The following LOXL2 variants were observed in gnomAD, a reference collection of about 807,000 sequenced individuals.
LOXL2 encodes the protein lysyl oxidase homolog 2.
In LOXL2, 70 loss-of-function variants were observed where a neutral mutation model predicts 93.0. The ratio of observed to expected loss-of-function variants is 0.75; its 90% CI spans 0.62 to 0.92. LOXL2 has a LOEUF of 0.92. Ranked by LOEUF, LOXL2 falls within the 40% of genes least tolerant of loss-of-function variation. The pLI is 0.00. For missense variants in LOXL2, 973 were observed against 1,054.9 expected (o/e 0.92, Z 1.08); for synonymous variants, 438 against 413.2 (o/e 1.06, Z -0.73).
At chr8:23,392,060 GC>G (rs1163724018) in intron 1 of LOXL2, among the ~76,000 whole-genome samples, 14 of 152,196 alleles carry the variant, frequency 9.2e-5, no homozygotes, top group African/African-American at 3.4e-4. Context: ...TCCAGAAGCT[GC>G]CAGGCCAAGC....
chr8:23,314,717 G>A lies in LOXL2; in HGVS notation c.1636+2232C>T, dbSNP rs535172654. 4.1e-3 allele frequency among the ~76,000 whole-genome samples: 615 copies of A among 150,928 alleles called. 6 individuals are homozygous for A. Among genetic ancestry groups the A allele is most frequent in the African/African-American group, 0.014 (567 of 41,160 alleles). On this transcript the variant is annotated intron_variant, in intron 9 of 13. Transcript: ENST00000389131. Reference sequence around the variant, plus strand: ...TAGATGACGAGTTAGTGGGTGCAGCGCACCAGCATGGCACATGTATACATA... The same window carrying A: ...TAGATGACGAGTTAGTGGGTGCAGCACACCAGCATGGCACATGTATACATA...
rs541147744 is a variant in LOXL2, at chr8:23,394,763, C to A, written c.-84+9191G>T. 1.0e-3 allele frequency among the ~76,000 whole-genome samples: 147 copies of A among 147,318 alleles called. 1 individual carries two copies. Among genetic ancestry groups the A allele is most frequent in the African/African-American group, 3.5e-3 (139 of 40,098 alleles). On this transcript the variant is annotated intron_variant, in intron 1 of 13. Transcript: ENST00000389131. The stretch of plus-strand genomic sequence containing the variant: ...CCCCCCTCCTAAGTATATACCCCCC[C>A]AAAATTGAAACACATTGAAACAGGT...
chr8:23,365,443 G>A (rs1804382508), intron 2 of LOXL2: 1 of 151,814 alleles, frequency 6.6e-6, no homozygotes, highest in South Asian at 2.1e-4. Context: ...GATGTAAAAA[G>A]GTCTCTCATG....
intron 1 of LOXL2, among the ~76,000 whole-genome samples, chr8:23,374,415 T>C (rs1804551928): frequency 6.6e-6 from 1 of 152,214 alleles, no homozygotes. Flanking sequence ...AACATATGTG[T>C]GCATGCGCCT....
chr8:23,324,870 G>A (rs1339072085), intron 6 of LOXL2, among the ~76,000 whole-genome samples: 1 of 152,220 alleles, frequency 6.6e-6, no homozygotes, highest in Non-Finnish European at 1.5e-5. Flanking sequence ...TCTGCATATT[G>A]TAAAGCTAAG....
intron 9 of LOXL2, among the ~76,000 whole-genome samples, chr8:23,311,935 C>T (rs966113207): frequency 5.3e-5 from 8 of 151,994 alleles, no homozygotes; most frequent in African/African-American, 7.3e-5. Context: ...AGTGGGGATT[C>T]GAGGAAGTAA....
Position 23,368,443 on chromosome 8 carries a change from G to T in LOXL2, c.-83-9C>A. On this transcript the variant is annotated splice_polypyrimidine_tract_variant and intron_variant, in intron 1 of 13. Coordinates refer to ENST00000389131, the MANE Select transcript of LOXL2 (RefSeq NM_002318.3). ...GAAGCAGCAGGAGCTTTCTGGAAGA[G>T]AGGAGAGATGCGTTAGGATGGGAAC... is the stretch of plus-strand genomic sequence containing the variant. 9.5e-7 allele frequency: 1 copy of T among 1,049,196 alleles called. No homozygotes were observed. The highest frequency in any genetic ancestry group is 1.4e-6 in the Non-Finnish European group (1 of 691,408). 65.0% of individuals were successfully genotyped at this position (1,049,196 alleles called of 1,614,324 possible). A position where few individuals can be genotyped will look rare whatever the true frequency, so the allele number is the denominator to read the frequency against.
chr8:23,390,497 A>G (rs1804824923), intron 1 of LOXL2, among the ~76,000 whole-genome samples: 1 of 152,062 alleles, frequency 6.6e-6, no homozygotes. Flanking sequence ...ACAAAACTGC[A>G]TTTTTTCCCC....
intron 1 of LOXL2, among the ~76,000 whole-genome samples, chr8:23,378,690 T>G (rs1156399128): frequency 7.9e-5 from 12 of 152,258 alleles, no homozygotes. Flanking sequence ...TTCATTCATT[T>G]GATCTTCAAT....
At chr8:23,332,572 C>A (rs1803711118) in intron 5 of LOXL2, among the ~76,000 whole-genome samples, 1 of 116,394 alleles carries the variant, frequency 8.6e-6, no homozygotes, top group South Asian at 3.1e-4. Context: ...ACACACACAC[C>A]CACGCACACA....
chr8:23,310,086 TCTG>T (rs1280661801), intron 9 of LOXL2, among the ~76,000 whole-genome samples, 175 bp from the exon 10 acceptor site: 2 of 152,218 alleles, frequency 1.3e-5, no homozygotes, highest in Non-Finnish European at 2.9e-5. Flanking sequence ...CCTCTTTTCC[TCTG>T]CTGTGAGTCC....
At chr8:23,323,279 G>A (rs1563190079) in intron 6 of LOXL2, among the ~76,000 whole-genome samples, 1 of 152,230 alleles carries the variant, frequency 6.6e-6, no homozygotes, top group African/African-American at 2.4e-5. Flanking sequence ...CACAGCTCAT[G>A]GGCACAGAGA....
chr8:23,328,708 G>GAT, intron 5 of LOXL2, 143 bp from the exon 6 acceptor site: 5 of 422,720 alleles, frequency 1.2e-5, no homozygotes, highest in Non-Finnish European at 2.1e-5. Context: ...TTGATGTATG[G>GAT]ATGTGTGTGT....
intron 3 of LOXL2, among the ~76,000 whole-genome samples, chr8:23,348,230 G>A (rs915889928): frequency 7.5e-6 from 1 of 132,898 alleles, no homozygotes; most frequent in Non-Finnish European, 1.6e-5. Flanking sequence ...CACAGGGAGG[G>A]GAACATCACA....
intron 11 of LOXL2, 116 bp from the exon 12 acceptor site, chr8:23,302,279 A>G (rs996842286): frequency 3.3e-6 from 4 of 1,229,566 alleles, no homozygotes; most frequent in Middle Eastern, 2.0e-4. Context: ...ATCCCACCCC[A>G]CTGTGTGGGC....
At chr8:23,389,679 C>T (rs2117234671) in intron 1 of LOXL2, among the ~76,000 whole-genome samples, 1 of 152,306 alleles carries the variant, frequency 6.6e-6, no homozygotes, top group South Asian at 2.1e-4. Context: ...TTTAGATTTT[C>T]AAGTGCCCTG....
chr8:23,320,689 C>T (rs919011895), intron 7 of LOXL2, among the ~76,000 whole-genome samples: 1 of 152,214 alleles, frequency 6.6e-6, no homozygotes, highest in Non-Finnish European at 1.5e-5. Context: ...GGGAGGATCA[C>T]TTAAGCCCAG....
chr8:23,372,503 C>A (rs139952047), intron 1 of LOXL2, among the ~76,000 whole-genome samples: 114 of 152,240 alleles, frequency 7.5e-4, no homozygotes, highest in East Asian at 2.7e-3. Context: ...CAGGTGTGAG[C>A]CACCACGCCC....
chr8:23,301,948 A>T (rs772871508), intron 12 of LOXL2, 79 bp downstream of exon 12: 69 of 1,558,684 alleles, frequency 4.4e-5, no homozygotes, highest in Non-Finnish European at 5.7e-5. Context: ...CCCTGTGTGG[A>T]CACCAATGGG....
Sources: allele counts gnomAD v4.1 joint callset (sites outside exome capture counted in the v4.1 genomes callset), GRCh38; gene constraint gnomAD v4.1.1; transcripts MANE v1.5; gene names NCBI Gene and HGNC (gene_info 2026-07-23, HGNC 2026-07-21).